Variants in CD200R1 observed in about 807,000 individuals in gnomAD.
CD200R1 encodes the protein CD200 receptor 1, also known as cell surface glycoprotein CD200 receptor 1.
CD200R1 carries 30 observed loss-of-function variants against 38.1 expected under a neutral mutation model. That is an observed-to-expected ratio of 0.79 (90% confidence interval 0.59 to 1.07). CD200R1 has a LOEUF of 1.07. Ranked by LOEUF, CD200R1 falls within the 50% of genes least tolerant of loss-of-function variation. The pLI is 0.00. For synonymous variants in CD200R1, 128 were observed against 152.1 expected (o/e 0.84, Z 1.16); for missense variants, 372 against 415.4 (o/e 0.90, Z 0.91).
chr3:112,955,351 T>C (rs1292470678), intron 1 of CD200R1, among the ~76,000 whole-genome samples: 2 of 152,300 alleles, frequency 1.3e-5, no homozygotes, highest in Middle Eastern at 3.4e-3. Flanking sequence ...CCTAATGTTA[T>C]TGTCTTGCAG....
intron 1 of CD200R1, among the ~76,000 whole-genome samples, chr3:112,959,120 C>T (rs58130028): frequency 0.02 from 2,982 of 152,200 alleles, 106 homozygotes; most frequent in African/African-American, 0.068. Flanking sequence ...ATTTCTGCAA[C>T]GTCACCATTC....
chr3:112,950,172 T>A (rs1402043771), intron 1 of CD200R1, among the ~76,000 whole-genome samples: 1 of 152,150 alleles, frequency 6.6e-6, no homozygotes, highest in Admixed American at 6.5e-5. Context: ...GATAGGTATG[T>A]CTGTATGTTG....
Position 112,929,408 on chromosome 3 carries a change from A to G in CD200R1, c.302T>C (p.Leu101Pro), listed in dbSNP as rs745461433. The change falls in exon 4 of 8, where the codon CTG becomes CCG. Residue 101 changes from leucine (L) to proline (P), a missense_variant. Leu to Pro is a moderately conservative substitution (Grantham distance 98). Coordinates refer to ENST00000308611, the MANE Select transcript of CD200R1 (RefSeq NM_138806.4). ...TTTTGTGCAGGAAGGCTGGCCTCTC[A>G]GGATTATTTCCCATGTTATTATGAT... Reference protein sequence around the residue: ...NLIIITWEIILRGQPSCTKAY... With the variant: ...NLIIITWEIIPRGQPSCTKAY... 1.7e-5 allele frequency: 27 copies of G among 1,613,856 alleles called. No homozygotes were observed. Among genetic ancestry groups the G allele is most frequent in the Admixed American group, 5.0e-5 (3 of 59,982 alleles).
chr3:112,930,515 T>C (rs1210326532), intron 3 of CD200R1, among the ~76,000 whole-genome samples: 2 of 152,246 alleles, frequency 1.3e-5, no homozygotes, highest in Non-Finnish European at 2.9e-5. Context: ...TCTTCCAACG[T>C]AGAACCTCAT....
At chr3:112,948,962 G>A (rs892672327) in intron 1 of CD200R1, among the ~76,000 whole-genome samples, 1 of 152,206 alleles carries the variant, frequency 6.6e-6, no homozygotes, top group Non-Finnish European at 1.5e-5. Flanking sequence ...AAGTTTAAAA[G>A]AAGAGATGTT....
chr3:112,971,599 A>G (rs1352414369), intron 1 of CD200R1, among the ~76,000 whole-genome samples: 1 of 152,134 alleles, frequency 6.6e-6, no homozygotes, highest in African/African-American at 2.4e-5. Flanking sequence ...TGCCACCGCC[A>G]CTCAATGGGA....
At chr3:112,940,502 C>G (rs1458255036) in intron 2 of CD200R1, among the ~76,000 whole-genome samples, 3 of 151,454 alleles carry the variant, frequency 2.0e-5, no homozygotes, top group Admixed American at 2.0e-4. Context: ...GTAATTGATA[C>G]AGATATTTCT....
At chr3:112,962,865 T>C (rs1436447037) in intron 1 of CD200R1, among the ~76,000 whole-genome samples, 2 of 152,178 alleles carry the variant, frequency 1.3e-5, no homozygotes, top group Non-Finnish European at 2.9e-5. Flanking sequence ...AGGATATAAA[T>C]GCAATGCCAC....
intron 1 of CD200R1, among the ~76,000 whole-genome samples, chr3:112,961,290 C>G (rs1291331108): frequency 1.3e-5 from 2 of 151,826 alleles, no homozygotes; most frequent in Non-Finnish European, 2.9e-5. Context: ...TTATATATGT[C>G]ATTGATAAAT....
chr3:112,933,785 A>G (rs1251946436), intron 2 of CD200R1, among the ~76,000 whole-genome samples: 1 of 152,036 alleles, frequency 6.6e-6, no homozygotes, highest in Admixed American at 6.5e-5. Flanking sequence ...CAACAAAAAG[A>G]TAGCTATCAT....
intron 1 of CD200R1, among the ~76,000 whole-genome samples, chr3:112,958,897 T>A (rs1932935817): frequency 6.6e-6 from 1 of 152,044 alleles, no homozygotes; most frequent in Non-Finnish European, 1.5e-5. Context: ...CCCAAATCAT[T>A]ATTGTCATAT....
intron 3 of CD200R1, among the ~76,000 whole-genome samples, chr3:112,930,685 C>T (rs561432876): frequency 2.6e-5 from 4 of 152,178 alleles, no homozygotes; most frequent in African/African-American, 9.7e-5. Flanking sequence ...AGGGGCAAAC[C>T]TTTATGTGGG....
intron 2 of CD200R1, among the ~76,000 whole-genome samples, chr3:112,934,292 C>G (rs1940523180): frequency 6.6e-6 from 1 of 151,994 alleles, no homozygotes; most frequent in African/African-American, 2.4e-5. Context: ...GCAGATTTCT[C>G]ATCAGAAACC....
At chr3:112,926,138 G>A (rs1054412257) in intron 5 of CD200R1, among the ~76,000 whole-genome samples, 6 of 152,164 alleles carry the variant, frequency 3.9e-5, no homozygotes, top group Non-Finnish European at 5.9e-5. Context: ...TGAATACACA[G>A]CAGGAACTTT....
intron 2 of CD200R1, among the ~76,000 whole-genome samples, chr3:112,941,994 C>T (rs549750673): frequency 6.6e-6 from 1 of 151,684 alleles, no homozygotes; most frequent in South Asian, 2.1e-4. Flanking sequence ...AAAAACTATC[C>T]TCCAAAACTG....
chr3:112,940,909 C>T, intron 2 of CD200R1, among the ~76,000 whole-genome samples: 1 of 151,614 alleles, frequency 6.6e-6, no homozygotes, highest in East Asian at 1.9e-4. Context: ...AACCCAAACG[C>T]CCAATAACAA....
intron 7 of CD200R1, among the ~76,000 whole-genome samples, chr3:112,924,083 C>T (rs1247464247): frequency 1.7e-4 from 26 of 151,708 alleles, no homozygotes; most frequent in African/African-American, 5.6e-4. Context: ...GCTTTGGAGA[C>T]TTAGTAAGCT....
chr3:112,932,785 C>G (rs929363880), intron 2 of CD200R1, among the ~76,000 whole-genome samples: 1 of 151,978 alleles, frequency 6.6e-6, no homozygotes, highest in African/African-American at 2.4e-5. Context: ...ACATCCCCCC[C>G]AGGCCAGCCC....
chr3:112,961,399 A>G (rs1461145319), intron 1 of CD200R1, among the ~76,000 whole-genome samples: 1 of 152,128 alleles, frequency 6.6e-6, no homozygotes. Flanking sequence ...AGATTTAAAT[A>G]TAAGAAACAA....
Sources: gnomAD v4.1 joint callset for allele counts (sites outside exome capture counted in the v4.1 genomes callset) on GRCh38, gnomAD v4.1.1 for gene constraint, MANE v1.5 for transcripts, NCBI Gene and HGNC (gene_info 2026-07-23, HGNC 2026-07-21) for gene names.